EDIL3: variants seen among roughly 807,000 people sequenced by gnomAD.
EDIL3 encodes EGF-like repeat and discoidin I-like domain-containing protein 3.
A neutral mutation model predicts 67.4 loss-of-function variants in EDIL3; 37 were observed. The ratio of observed to expected loss-of-function variants is 0.55; its 90% CI spans 0.42 to 0.72. The LOEUF is 0.72. Among genes scored for constraint, EDIL3 ranks in the 30% least tolerant of loss-of-function variants. The pLI is 0.00. For missense variants in EDIL3, 527 were observed against 586.3 expected, an observed-to-expected ratio of 0.90 and a Z score of 1.04; for synonymous variants, 195 against 196.3, an observed-to-expected ratio of 0.99 and a Z score of 0.05.
intron 3 of EDIL3, among the ~76,000 whole-genome samples, chr5:84,200,078 C>A (rs1013551122): frequency 6.6e-5 from 10 of 151,974 alleles, no homozygotes; most frequent in Non-Finnish European, 1.5e-4. Flanking sequence ...GAACTATGTT[C>A]TGGGATTTAT....
chr5:84,104,246 G>A (rs1033208863), intron 6 of EDIL3, among the ~76,000 whole-genome samples: 14 of 151,894 alleles, frequency 9.2e-5, no homozygotes, highest in African/African-American at 3.1e-4. Flanking sequence ...AGGATGGGAG[G>A]AGGGAAAGGA....
At chr5:84,173,497 G>A (rs929765067) in intron 4 of EDIL3, among the ~76,000 whole-genome samples, 1 of 152,074 alleles carries the variant, frequency 6.6e-6, no homozygotes, top group African/African-American at 2.4e-5. Flanking sequence ...CCGCCCCCTG[G>A]AAGACAGCAG....
chr5:84,330,637 C>A (rs1392871000), intron 1 of EDIL3, among the ~76,000 whole-genome samples: 1 of 152,016 alleles, frequency 6.6e-6, no homozygotes, highest in Non-Finnish European at 1.5e-5. Flanking sequence ...AATAAAATCC[C>A]TATTTGTTTT....
chr5:84,332,881 C>A (rs1307149595), intron 1 of EDIL3, among the ~76,000 whole-genome samples: 1 of 152,132 alleles, frequency 6.6e-6, no homozygotes, highest in Admixed American at 6.5e-5. Context: ...ATCAAATAAT[C>A]CACCTTTTGA....
chr5:83,956,405 A>G (rs1374785315), intron 10 of EDIL3, among the ~76,000 whole-genome samples: 1 of 151,516 alleles, frequency 6.6e-6, no homozygotes, highest in Non-Finnish European at 1.5e-5. Flanking sequence ...CCACTTCACA[A>G]CTGATTCTGA....
chr5:84,199,091 C>T (rs1041183017), intron 3 of EDIL3, among the ~76,000 whole-genome samples: 4 of 151,792 alleles, frequency 2.6e-5, no homozygotes, highest in Non-Finnish European at 4.4e-5. Context: ...CAGTATGAGC[C>T]CTTAAGAAAG....
chr5:84,062,102 GGTATAGGAGATAA>G (rs1746556784), intron 8 of EDIL3, among the ~76,000 whole-genome samples: 1 of 151,934 alleles, frequency 6.6e-6, no homozygotes, highest in Admixed American at 6.6e-5. Context: ...AGTACATTTT[GGTATAGGAGATAA>G]GTATCTGAAG....
intron 5 of EDIL3, among the ~76,000 whole-genome samples, chr5:84,108,477 A>G (rs1314993378): frequency 6.6e-6 from 1 of 152,114 alleles, no homozygotes; most frequent in African/African-American, 2.4e-5. Flanking sequence ...ATACTATATC[A>G]CTTTAGAATC....
intron 6 of EDIL3, among the ~76,000 whole-genome samples, chr5:84,074,838 C>G (rs1318457431): frequency 4.6e-5 from 7 of 152,128 alleles, no homozygotes; most frequent in African/African-American, 1.7e-4. Flanking sequence ...ACCCAGCCAT[C>G]CCATTACTGG....
intron 1 of EDIL3, among the ~76,000 whole-genome samples, chr5:84,279,419 T>TAC (rs1276524899): frequency 3.3e-5 from 5 of 152,206 alleles, no homozygotes; most frequent in African/African-American, 1.2e-4. Context: ...ATCTGCATTC[T>TAC]ACATATACAT....
chr5:84,312,306 C>A, intron 1 of EDIL3, among the ~76,000 whole-genome samples: 2 of 145,980 alleles, frequency 1.4e-5, no homozygotes, highest in Non-Finnish European at 3.0e-5. Context: ...ACCTCCCTCC[C>A]CGACGGGGCG....
In EDIL3 at chr5:84,169,564, T is replaced by C. The variant is rs77926031; in HGVS notation, c.355+10829A>G. 1.0e-3 allele frequency among the ~76,000 whole-genome samples: 157 copies of C among 151,606 alleles called. 1 individual carries two copies. The highest frequency in any genetic ancestry group is 3.6e-3 in the African/African-American group (150 of 41,322). On this transcript the variant is annotated intron_variant, in intron 4 of 10. Transcript: ENST00000296591. ...CTCACTTCCCTCTGTCCCTAACATC[T>C]GGAAACCACTAATCTATCCTCCATT...
At chr5:84,296,410 G>T (rs2112124701) in intron 1 of EDIL3, among the ~76,000 whole-genome samples, 1 of 152,282 alleles carries the variant, frequency 6.6e-6, no homozygotes, top group African/African-American at 2.4e-5. Flanking sequence ...ATCTAGGAGA[G>T]TGGCACATAC....
chr5:84,350,845 G>T (rs1439842427), intron 1 of EDIL3, among the ~76,000 whole-genome samples: 1 of 151,968 alleles, frequency 6.6e-6, no homozygotes, highest in Non-Finnish European at 1.5e-5. Context: ...TGTAAAGTTA[G>T]TTTTAATGAA....
chr5:84,000,921 A>T (rs2112169215), intron 9 of EDIL3, among the ~76,000 whole-genome samples: 1 of 151,978 alleles, frequency 6.6e-6, no homozygotes, highest in Non-Finnish European at 1.5e-5. Flanking sequence ...AAATTTAAAA[A>T]TTTTTTGAAA....
At chr5:84,265,991 G>C (rs1745338681) in intron 1 of EDIL3, among the ~76,000 whole-genome samples, 1 of 152,170 alleles carries the variant, frequency 6.6e-6, no homozygotes, top group African/African-American at 2.4e-5. Context: ...GAAACTCAAA[G>C]TGCCCTTTCT....
At chr5:84,291,151 A>G (rs1235649431) in intron 1 of EDIL3, among the ~76,000 whole-genome samples, 1 of 152,302 alleles carries the variant, frequency 6.6e-6, no homozygotes, top group East Asian at 1.9e-4. Context: ...CTGCTTGTCA[A>G]ATTGAACCAA....
At chr5:84,177,110 ACT>A (rs1441963990) in intron 4 of EDIL3, among the ~76,000 whole-genome samples, 1 of 152,034 alleles carries the variant, frequency 6.6e-6, no homozygotes, top group African/African-American at 2.4e-5. Flanking sequence ...TGAGCTGAAA[ACT>A]TATGTCCACA....
At chr5:84,173,975 C>T (rs938459140) in intron 4 of EDIL3, among the ~76,000 whole-genome samples, 7 of 152,118 alleles carry the variant, frequency 4.6e-5, no homozygotes, top group Non-Finnish European at 8.8e-5. Flanking sequence ...ATGGTGCACT[C>T]GTCTGTGCGT....
Sources: gnomAD v4.1 joint callset for allele counts (sites outside exome capture counted in the v4.1 genomes callset) on GRCh38, gnomAD v4.1.1 for gene constraint, MANE v1.5 for transcripts, NCBI Gene and HGNC (gene_info 2026-07-23, HGNC 2026-07-21) for gene names.